The following DNMT3L variants were observed in gnomAD, a reference collection of about 807,000 sequenced individuals.
DNMT3L encodes the protein DNA (cytosine-5)-methyltransferase 3-like.
Under a neutral mutation model 36.2 loss-of-function variants are expected in DNMT3L, and 33 were observed. The observed-to-expected ratio is 0.91, with a 90% CI of 0.69 to 1.22. The LOEUF (loss-of-function observed/expected upper bound fraction) is 1.22, where lower values mean the gene tolerates loss of function less well. Ranked by LOEUF, DNMT3L falls within the 50% of genes most tolerant of loss-of-function variation. The pLI, the probability that DNMT3L is intolerant of heterozygous loss-of-function variation, is 0.00. For synonymous variants in DNMT3L, 117 were observed against 121.7 expected, an observed-to-expected ratio of 0.96 and a Z score of 0.26; for missense variants, 310 against 303.1, an observed-to-expected ratio of 1.02 and a Z score of -0.17.
chr21:44,255,828 G>C (rs950853360), intron 7 of DNMT3L, among the ~76,000 whole-genome samples: 8 of 152,244 alleles, frequency 5.3e-5, no homozygotes, highest in Non-Finnish European at 1.2e-4. Context: ...ATCCCTAACG[G>C]CCAGAGGAGA....
At chr21:44,260,988 T>C (rs1753383825) in intron 2 of DNMT3L, 149 bp from the exon 3 acceptor site, 1 of 1,415,290 alleles carries the variant, frequency 7.1e-7, no homozygotes, top group African/African-American at 1.4e-5. Context: ...TATCTTGGTG[T>C]GTTAAACGCC....
rs1449000783 is a variant in DNMT3L, at chr21:44,261,188, C to T, written c.72G>A (p.Glu24=). ...SMDVILVGSS[E]LSSSVSPGTG... ...TCCCGGGTGAAACGGAGCTTGAGAG[C>T]TCACTGGATCCCACCAAAATCACGT... is the stretch of plus-strand genomic sequence containing the variant. The change falls in exon 2 of 12, where the codon GAG becomes GAA. Residue 24 remains glutamate (E), a synonymous_variant. Coordinates refer to ENST00000628202, the MANE Select transcript of DNMT3L (RefSeq NM_175867.3). 1.4e-5 allele frequency: 22 copies of T among 1,612,590 alleles called. No homozygotes were observed. Among genetic ancestry groups the T allele is most frequent in the Admixed American group, 8.3e-5 (5 of 60,006 alleles).
At chr21:44,255,933 T>G (rs1251194295) in intron 7 of DNMT3L, 134 bp downstream of exon 7, 31 of 755,684 alleles carry the variant, frequency 4.1e-5, no homozygotes, top group African/African-American at 2.2e-4. Flanking sequence ...GGGCCCAGGG[T>G]GGGGAAGGGT....
Position 44,258,778 on chromosome 21 carries a change from G to T in DNMT3L, c.345-84C>A. 1 of 1,517,646 alleles carries T rather than the reference G, an allele frequency of 6.6e-7. No individual in the cohort carries two copies. Among genetic ancestry groups the T allele is most frequent in the East Asian group, 2.3e-5 (1 of 42,756 alleles). 94.0% of individuals were successfully genotyped at this position (1,517,646 alleles called of 1,614,324 possible). ...GCAGAGGTGGGCCTGATTGAGCCTT[G>T]TTTTGGAGGGAAAAGTCACGCTGGA... On this transcript the variant is annotated intron_variant, in intron 5 of 11. Transcript: ENST00000628202. This position sits in a 1 kb window ranked among gnomAD's most constrained non-coding sequence, Gnocchi z 6.2.
Position 44,259,477 on chromosome 21 carries a change from C to T in DNMT3L, c.304G>A (p.Gly102Arg), listed in dbSNP as rs777480985. ...TTTCCGCAGATGAGCAGCGTCTCTC[C>T]GGAGCAGCAGATGGAGCAGTAGGAT... ...YQSYCSICCS[G>R]ETLLICGNPD... Residue 102 changes from glycine to arginine, a missense_variant, in exon 5 of 12, where the codon GGA becomes AGA. Gly to Arg is a moderately radical substitution (Grantham distance 125). Transcript: ENST00000628202. The T allele has an allele frequency of 6.8e-6, 11 of 1,613,676 alleles. No homozygotes were observed. Among genetic ancestry groups the T allele is most frequent in the Admixed American group, 1.7e-5 (1 of 60,016 alleles).
At position 44,254,021 on chromosome 21, in the gene DNMT3L, C is replaced by G. The variant is rs145002704; in HGVS notation, c.693+596G>C. ...GTGAGGGGGGGCTGCTGGTCCCAGG[C>G]CGGGAGCCCCCAAAAGACCTGTACA... On this transcript the variant is annotated intron_variant, in intron 8 of 11. Transcript: ENST00000628202. Among the ~76,000 whole-genome samples the G allele has an allele frequency of 3.4e-4, 52 of 152,282 alleles. 2 individuals are homozygous for G. The East Asian group carries it at 0.01, about 29-fold the overall frequency.
chr21:44,254,690 C>G lies in DNMT3L; in HGVS notation c.620G>C (p.Gly207Ala). The G allele has an allele frequency of 1.1e-5, 18 of 1,613,950 alleles. No individual in the cohort carries two copies. Among genetic ancestry groups the G allele is most frequent in the Non-Finnish European group, 1.5e-5 (18 of 1,179,974 alleles). Residue 207 changes from glycine (G) to alanine (A), a missense_variant, in exon 8 of 12, where the codon GGC becomes GCC. By Grantham distance (60) the Gly-to-Ala change is moderately conservative (BLOSUM62 0). Transcript: ENST00000628202. The part of the protein sequence containing the change: ...EDIKKELTSL[G>A]FLESGSDPGQ... Reference sequence around the variant, plus strand: ...CGGGTCAGAACCACTTTCCAAAAAGCCCAAACTCGTCAGCTCTGGATGGGG... The same window carrying G: ...CGGGTCAGAACCACTTTCCAAAAAGGCCAAACTCGTCAGCTCTGGATGGGG...
chr21:44,259,376 A>G (rs1464484459), intron 5 of DNMT3L, 61 bp downstream of exon 5: 9 of 1,523,494 alleles, frequency 5.9e-6, no homozygotes, highest in African/African-American at 2.7e-5. Flanking sequence ...CAGAATGAGT[A>G]GCTGAAAGGA....
At chr21:44,261,033 C>T (rs1305994287) in intron 2 of DNMT3L, 121 bp downstream of exon 2, 1 of 1,404,062 alleles carries the variant, frequency 7.1e-7, no homozygotes, top group African/African-American at 1.4e-5. Flanking sequence ...GGGGAACCTC[C>T]TGCCCCAGCC....
At chr21:44,261,346 G>A (rs2040317379) in intron 1 of DNMT3L, 80 bp from the exon 2 acceptor site, 2 of 1,376,694 alleles carry the variant, frequency 1.5e-6, no homozygotes, top group African/African-American at 2.8e-5. Flanking sequence ...AGCACGGGAA[G>A]CAGCTTGCTG....
intron 8 of DNMT3L, among the ~76,000 whole-genome samples, chr21:44,254,125 G>A (rs1371639516): frequency 6.6e-6 from 1 of 152,200 alleles, no homozygotes; most frequent in East Asian, 1.9e-4. Flanking sequence ...CAGGGGGAAC[G>A]CACGACTGGA....
chr21:44,256,409 G>A (rs947481982), intron 6 of DNMT3L, among the ~76,000 whole-genome samples: 1 of 149,896 alleles, frequency 6.7e-6, no homozygotes, highest in African/African-American at 2.5e-5. Context: ...AGGTGTGGAG[G>A]GGTTTGCTGA....
intron 8 of DNMT3L, among the ~76,000 whole-genome samples, chr21:44,254,133 G>A (rs564234744): frequency 6.6e-6 from 1 of 152,346 alleles, no homozygotes; most frequent in East Asian, 1.9e-4. Flanking sequence ...ACGCACGACT[G>A]GAGCTGTGTC....
Position 44,259,560 on chromosome 21 carries a change from G to A in DNMT3L, c.232-11C>T. The A allele has an allele frequency of 6.2e-7, 1 of 1,613,644 alleles. No individual in the cohort carries two copies. The highest frequency in any genetic ancestry group is 1.1e-5 in the South Asian group (1 of 91,088). Reference sequence around the variant, plus strand: ...ATCCAGGAACTTGTCCTTGGAAGGAGCAAAGCAAGGCTGGCTTGTGTCATC... The same window carrying A: ...ATCCAGGAACTTGTCCTTGGAAGGAACAAAGCAAGGCTGGCTTGTGTCATC... On this transcript the variant is annotated splice_polypyrimidine_tract_variant and intron_variant, in intron 4 of 11. Coordinates refer to ENST00000628202, the MANE Select transcript of DNMT3L (RefSeq NM_175867.3).
At chr21:44,259,798 T>C (rs1330220803) in intron 3 of DNMT3L, 87 bp from the exon 4 acceptor site, 18 of 1,395,932 alleles carry the variant, frequency 1.3e-5, no homozygotes, top group Non-Finnish European at 1.2e-5. Context: ...CAAACAAATA[T>C]GAGACTTATA....
rs77235520 is a variant in DNMT3L at position 44,253,750 on chromosome 21, T to C, written c.693+867A>G. On this transcript the variant is annotated intron_variant, in intron 8 of 11. Coordinates refer to ENST00000628202, the MANE Select transcript of DNMT3L (RefSeq NM_175867.3). ...AAAAAACAAAAAAGCCCCCCAAAACTTAAGATAGTCAAGTATCAGAACCCC... is the reference window on the plus strand; with the variant it reads ...AAAAAACAAAAAAGCCCCCCAAAACCTAAGATAGTCAAGTATCAGAACCCC... 3.3e-3 allele frequency among the ~76,000 whole-genome samples: 503 copies of C among 152,034 alleles called. 3 individuals are homozygous for C. The highest frequency in any genetic ancestry group is 6.9e-3 in the Admixed American group (106 of 15,260).
intron 7 of DNMT3L, among the ~76,000 whole-genome samples, chr21:44,255,051 C>T (rs999113392): frequency 3.9e-5 from 6 of 151,980 alleles, no homozygotes; most frequent in Non-Finnish European, 5.9e-5. Context: ...TGGTCTCCAA[C>T]TCCTGACCTC....
rs147092385 is a variant in DNMT3L at position 44,259,397 on chromosome 21, C to T, written c.344+40G>A. 1.1e-5 allele frequency: 18 copies of T among 1,599,158 alleles called. No individual in the cohort carries two copies. In the East Asian group the frequency reaches 1.3e-4, roughly 12 times the overall value. Reference sequence around the variant, plus strand: ...GAGTAGCTGAAAGGATGGGTGTGTCCTCAGCCCCTTCACCCCCCTGGGCAG... The same window carrying T: ...GAGTAGCTGAAAGGATGGGTGTGTCTTCAGCCCCTTCACCCCCCTGGGCAG... On this transcript the variant is annotated intron_variant, in intron 5 of 11. Transcript: ENST00000628202.
At position 44,259,436 on chromosome 21, in the gene DNMT3L, C is replaced by G. The variant is rs373066083; in HGVS notation, c.344+1G>C. 4 of 1,613,394 alleles carry G rather than the reference C, an allele frequency of 2.5e-6. No homozygotes were observed. The African/African-American group carries it at 5.3e-5, about 22-fold the overall frequency. Reference sequence around the variant, plus strand: ...CCCCCTGGGCAGGCCCCTCGCCTCACCGGGTGCAATCAGGGTTTCCGCAGA... The same window carrying G: ...CCCCCTGGGCAGGCCCCTCGCCTCAGCGGGTGCAATCAGGGTTTCCGCAGA... On this transcript the variant is annotated splice_donor_variant, in intron 5 of 11. Coordinates refer to ENST00000628202, the MANE Select transcript of DNMT3L (RefSeq NM_175867.3). LOFTEE classifies it high-confidence loss of function.
Sources: allele counts gnomAD v4.1 joint callset (sites outside exome capture counted in the v4.1 genomes callset), GRCh38; gene constraint gnomAD v4.1.1; non-coding constraint Gnocchi (gnomAD v3.1); transcripts MANE v1.5; gene names NCBI Gene and HGNC (gene_info 2026-07-23, HGNC 2026-07-21).